The following CCDC146 variants were observed in gnomAD, a reference collection of about 807,000 sequenced individuals.
CCDC146 encodes the protein coiled-coil domain-containing protein 146.
CCDC146 carries 92 observed loss-of-function variants against 119.3 expected under a neutral mutation model. The ratio of observed to expected loss-of-function variants is 0.77; its 90% CI spans 0.65 to 0.92. The LOEUF is 0.92. Ranked by LOEUF, CCDC146 falls within the 40% of genes least tolerant of loss-of-function variation. The pLI, the probability that CCDC146 is intolerant of heterozygous loss-of-function variation, is 0.00. For missense variants in CCDC146, 1,000 were observed against 1,103.0 expected, an observed-to-expected ratio of 0.91 and a Z score of 1.32; for synonymous variants, 372 against 371.8, an observed-to-expected ratio of 1.00 and a Z score of -0.01.
At chr7:77,162,460 C>G (rs1385266394) in intron 1 of CCDC146, among the ~76,000 whole-genome samples, 3 of 152,130 alleles carry the variant, frequency 2.0e-5, no homozygotes, top group Non-Finnish European at 4.4e-5. Context: ...TGCATTGGTT[C>G]ATTTCTGGGC....
intron 5 of CCDC146, among the ~76,000 whole-genome samples, chr7:77,255,705 T>C (rs904301716): frequency 6.6e-6 from 1 of 152,072 alleles, no homozygotes; most frequent in Non-Finnish European, 1.5e-5. Context: ...ACCTTCTGAG[T>C]GTAAGAAGCC....
intron 1 of CCDC146, among the ~76,000 whole-genome samples, chr7:77,132,396 G>A (rs113356868): frequency 1.1e-4 from 16 of 151,800 alleles, no homozygotes; most frequent in African/African-American, 3.6e-4. Flanking sequence ...TTTATCTCTC[G>A]AATGCAAGAT....
chr7:77,290,270 TA>T (rs1793921584), intron 17 of CCDC146, among the ~76,000 whole-genome samples: 1 of 151,616 alleles, frequency 6.6e-6, no homozygotes, highest in African/African-American at 2.4e-5. Flanking sequence ...GAGATATACC[TA>T]ATGTAAATGA....
chr7:77,230,131 T>C (rs554567606), intron 2 of CCDC146, among the ~76,000 whole-genome samples: 1 of 152,322 alleles, frequency 6.6e-6, no homozygotes, highest in East Asian at 1.9e-4. Flanking sequence ...CAAGACTCCA[T>C]TCCTTTTTAT....
intron 9 of CCDC146, among the ~76,000 whole-genome samples, chr7:77,271,350 A>T (rs976525335): frequency 6.6e-6 from 1 of 151,256 alleles, no homozygotes; most frequent in Non-Finnish European, 1.5e-5. Flanking sequence ...CCTGCCCTCG[A>T]ACATCGGACT....
At position 77,196,412 on chromosome 7, in the gene CCDC146, T is replaced by G. The variant is rs750307630; in HGVS notation, c.156+28588T>G. ...CCCATTACGGACACCTCTGTATTTT[T>G]GGTGATAATATTTGCCATTTAAGTT... On this transcript the variant is annotated intron_variant, in intron 2 of 18. Transcript: ENST00000285871. The surrounding 1 kb of genome is among the most constrained non-coding windows in gnomAD (Gnocchi z 4.2). 3.7e-6 allele frequency: 6 copies of G among 1,614,130 alleles called. No individual in the cohort carries two copies. In the Admixed American group the frequency reaches 1.0e-4, roughly 27 times the overall value.
rs1014547801 is a variant in CCDC146, at chr7:77,295,076, T to C, written c.*210T>C. The C allele has an allele frequency of 7.6e-6, 4 of 527,032 alleles. No homozygotes were observed. Among genetic ancestry groups the C allele is most frequent in the African/African-American group, 1.9e-5 (1 of 52,276 alleles). 32.6% of individuals were successfully genotyped at this position (527,032 alleles called of 1,614,324 possible). ...GAATGGGACATAGAACTGTCCTACA[T>C]TTATGTCAAAGTATATATTTGAATC... On this transcript the variant is annotated 3_prime_UTR_variant, in exon 19 of 19. Coordinates refer to ENST00000285871, the MANE Select transcript of CCDC146 (RefSeq NM_020879.3).
chr7:77,163,586 T>C (rs1478223072), intron 1 of CCDC146, among the ~76,000 whole-genome samples: 1 of 152,222 alleles, frequency 6.6e-6, no homozygotes, highest in Non-Finnish European at 1.5e-5. Context: ...GGTGCATCTA[T>C]GCAAAGGAGT....
At chr7:77,259,629 G>A (rs1159965933) in intron 7 of CCDC146, among the ~76,000 whole-genome samples, 1 of 152,136 alleles carries the variant, frequency 6.6e-6, no homozygotes, top group African/African-American at 2.4e-5. Flanking sequence ...GGAAAAATTA[G>A]GCAGGCACTA....
chr7:77,198,072 T>A, intron 2 of CCDC146: 1 of 933,288 alleles, frequency 1.1e-6, no homozygotes, highest in Non-Finnish European at 1.3e-6. Flanking sequence ...CTTCATATCA[T>A]GACAAGTTGC....
At chr7:77,282,896 A>G (rs1404023518) in intron 15 of CCDC146, 111 bp downstream of exon 15, 22 of 689,822 alleles carry the variant, frequency 3.2e-5, no homozygotes, top group South Asian at 1.7e-4. Context: ...TCTGGGACCT[A>G]TAAGAATCCA....
intron 2 of CCDC146, among the ~76,000 whole-genome samples, chr7:77,192,260 G>A (rs866730355): frequency 2.6e-5 from 4 of 152,196 alleles, no homozygotes; most frequent in South Asian, 4.1e-4. Context: ...CTTTATATAT[G>A]TGATTTAATC....
chr7:77,217,558 T>TAG (rs1389829548), intron 2 of CCDC146, among the ~76,000 whole-genome samples: 42 of 134,218 alleles, frequency 3.1e-4, no homozygotes, highest in East Asian at 1.4e-3. Flanking sequence ...TACATATATA[T>TAG]ATATAGAGAG....
At chr7:77,250,445 G>GGT (rs1793035534) in intron 4 of CCDC146, among the ~76,000 whole-genome samples, 1 of 152,150 alleles carries the variant, frequency 6.6e-6, no homozygotes, top group Admixed American at 6.5e-5. Flanking sequence ...AATTTCACAA[G>GGT]GTACAGAGCT....
chr7:77,130,743 C>G (rs568210251), intron 1 of CCDC146, among the ~76,000 whole-genome samples: 2 of 149,620 alleles, frequency 1.3e-5, no homozygotes, highest in Non-Finnish European at 3.0e-5. Context: ...GGACTACAGG[C>G]GCGCGCCACC....
chr7:77,212,950 AT>A (rs5885013), intron 2 of CCDC146, among the ~76,000 whole-genome samples: 9,109 of 110,990 alleles, frequency 0.082, 110 homozygotes, highest in African/African-American at 0.1. Context: ...GGTCACATTA[AT>A]TTTTTTTTTT....
At chr7:77,239,090 A>G (rs10499830) in intron 3 of CCDC146, among the ~76,000 whole-genome samples, 7,764 of 152,242 alleles carry the variant, frequency 0.051, 488 homozygotes, top group African/African-American at 0.15. Flanking sequence ...CTTCCATAGA[A>G]ACCATGTTAT....
At chr7:77,236,470 A>T (rs1226712040) in intron 2 of CCDC146, among the ~76,000 whole-genome samples, 1 of 152,204 alleles carries the variant, frequency 6.6e-6, no homozygotes, top group African/African-American at 2.4e-5. Flanking sequence ...ATAACCTTGA[A>T]CAAATCATTT....
At chr7:77,170,465 G>C (rs558596815) in intron 2 of CCDC146, among the ~76,000 whole-genome samples, 1 of 152,148 alleles carries the variant, frequency 6.6e-6, no homozygotes, top group Non-Finnish European at 1.5e-5. Context: ...TTGGTAGAAT[G>C]ATCTATTTTC....
Sources: gnomAD v4.1 joint callset for allele counts (sites outside exome capture counted in the v4.1 genomes callset) on GRCh38, gnomAD v4.1.1 for gene constraint, Gnocchi (gnomAD v3.1) non-coding constraint, MANE v1.5 for transcripts, NCBI Gene and HGNC (gene_info 2026-07-23, HGNC 2026-07-21) for gene names.